MAP3K19: variants seen among roughly 807,000 people sequenced by gnomAD.
MAP3K19 encodes the protein mitogen-activated protein kinase kinase kinase 19.
In MAP3K19, 91 loss-of-function variants were observed where a neutral mutation model predicts 114.4. The ratio of observed to expected loss-of-function variants is 0.80; its 90% confidence interval spans 0.67 to 0.95. The LOEUF (loss-of-function observed/expected upper bound fraction) is 0.95. Among genes scored for constraint, MAP3K19 ranks in the 40% least tolerant of loss-of-function variants. MAP3K19 has a pLI of 0.00. For synonymous variants in MAP3K19, 518 were observed against 530.5 expected, an observed-to-expected ratio of 0.98 and a Z score of 0.32; for missense variants, 1,471 against 1,573.2, an observed-to-expected ratio of 0.94 and a Z score of 1.10.
intron 4 of MAP3K19, 22 bp downstream of exon 4, chr2:135,024,604 C>G: frequency 6.2e-7 from 1 of 1,610,012 alleles, no homozygotes; most frequent in East Asian, 2.2e-5. Flanking sequence ...GGAAATTATG[C>G]ATGTGGAGTG....
chr2:135,034,484 C>G (rs1488779726), intron 2 of MAP3K19, among the ~76,000 whole-genome samples: 1 of 127,842 alleles, frequency 7.8e-6, no homozygotes, highest in African/African-American at 3.6e-5. Flanking sequence ...TGTAGCGAGC[C>G]GAGATCACGC....
chr2:134,981,511 C>A lies in MAP3K19; in HGVS notation c.3230G>T (p.Cys1077Phe). The A allele has an allele frequency of 6.2e-7, 1 of 1,606,824 alleles. No homozygotes were observed. The highest frequency in any genetic ancestry group is 8.5e-7 in the Non-Finnish European group (1 of 1,175,392). The change falls in exon 12 of 13, where the codon TGT becomes TTT. Residue 1077 changes from cysteine (C) to phenylalanine (F), a missense_variant. Coordinates refer to ENST00000392915, the MANE Select transcript of MAP3K19 (RefSeq NM_025052.5). ...TAGCTGTCCTTGACTAGTGAGACCACAGTATACCTAGAAGCAAATCAATAA... is the reference window on the plus strand; with the variant it reads ...TAGCTGTCCTTGACTAGTGAGACCAAAGTATACCTAGAAGCAAATCAATAA... ...LGKGAYGTVY[C>F]GLTSQGQLIA...
At chr2:134,988,783 G>T (rs1685356710) in intron 9 of MAP3K19, among the ~76,000 whole-genome samples, 2 of 152,094 alleles carry the variant, frequency 1.3e-5, no homozygotes, top group Non-Finnish European at 2.9e-5. Context: ...TATTATAGAT[G>T]TAAATATTCA....
At chr2:134,984,549 T>C (rs1343286393) in intron 10 of MAP3K19, among the ~76,000 whole-genome samples, 2 of 152,136 alleles carry the variant, frequency 1.3e-5, no homozygotes, top group African/African-American at 2.4e-5. Flanking sequence ...CAGTTTACCA[T>C]CCACAAGCCA....
intron 2 of MAP3K19, among the ~76,000 whole-genome samples, chr2:135,034,818 G>C (rs1458243229): frequency 6.1e-5 from 7 of 113,842 alleles, no homozygotes; most frequent in African/African-American, 2.0e-4. Flanking sequence ...ACCGTGGGCT[G>C]TGGGGAGAGG....
chr2:135,035,730 C>A (rs1688511181), intron 2 of MAP3K19, among the ~76,000 whole-genome samples: 1 of 152,166 alleles, frequency 6.6e-6, no homozygotes, highest in African/African-American at 2.4e-5. Flanking sequence ...GCCTTTATGG[C>A]TTTGCATGAT....
intron 11 of MAP3K19, chr2:134,983,252 C>T (rs1271339094): frequency 1.9e-6 from 1 of 535,020 alleles, no homozygotes; most frequent in Non-Finnish European, 3.8e-6. Flanking sequence ...TTGTTTTTGC[C>T]ATCTAGTAAT....
At chr2:135,036,637 A>ATG (rs57859657) in intron 2 of MAP3K19, among the ~76,000 whole-genome samples, 4,290 of 140,162 alleles carry the variant, frequency 0.031, 152 homozygotes, top group African/African-American at 0.08. Flanking sequence ...GTTCAACATT[A>ATG]TGTGTGTGTG....
In MAP3K19 at chr2:134,986,550, AT is replaced by A; in HGVS notation, c.2321del (p.Asn774MetfsTer13). 1 of 1,614,116 alleles carries A rather than the reference AT, an allele frequency of 6.2e-7. No homozygotes were observed. Among genetic ancestry groups the A allele is most frequent in the Non-Finnish European group, 8.5e-7 (1 of 1,180,014 alleles). On this transcript the variant is annotated frameshift_variant, in exon 10 of 13. Coordinates refer to ENST00000392915, the MANE Select transcript of MAP3K19 (RefSeq NM_025052.5). LOFTEE classifies it high-confidence loss of function. ...EPDWQIKSSG[N>X]EFLSSKDEIH... ...TTTCATCTTTGGAAGATAGAAACTC[AT>A]TTCCTGAAGACTTTATCTGCCAGTC...
chr2:135,039,095 A>C (rs1479617837), intron 2 of MAP3K19, among the ~76,000 whole-genome samples: 3 of 149,720 alleles, frequency 2.0e-5, no homozygotes, highest in South Asian at 4.3e-4. Context: ...TGTTGGGTAC[A>C]CAGGTGCTTG....
At chr2:134,997,157 C>T (rs190448347) in intron 8 of MAP3K19, among the ~76,000 whole-genome samples, 1 of 152,306 alleles carries the variant, frequency 6.6e-6, no homozygotes, top group East Asian at 1.9e-4. Context: ...CACTTCAAGT[C>T]CAGATTTCTT....
intron 12 of MAP3K19, among the ~76,000 whole-genome samples, chr2:134,980,338 G>T (rs4954209): frequency 0.28 from 42,985 of 152,100 alleles, 6,758 homozygotes; most frequent in Middle Eastern, 0.62. Flanking sequence ...TCCATAGATA[G>T]GAGAGAAGAT....
intron 12 of MAP3K19, among the ~76,000 whole-genome samples, chr2:134,973,305 G>C (rs1684001025): frequency 6.6e-6 from 1 of 152,142 alleles, no homozygotes; most frequent in Non-Finnish European, 1.5e-5. Flanking sequence ...ATACCTGGGT[G>C]CTCTGGTGCA....
rs1322890279 is a variant in MAP3K19 at position 135,033,456 on chromosome 2, C to T, written c.-283-2956G>A. 5.1e-3 allele frequency among the ~76,000 whole-genome samples: 592 copies of T among 116,376 alleles called. 106 individuals are homozygous for T. The highest frequency in any genetic ancestry group is 0.024 in the African/African-American group (557 of 23,106). The allele number at this position is 116,376 out of a possible 152,430, so 76.3% of individuals were successfully genotyped here. A position where few individuals can be genotyped will look rare whatever the true frequency, so the allele number is the denominator to read the frequency against. Reference sequence around the variant, plus strand: ...CCCAGTAGGGGCGGTCGGGCAGAGGCGCCCCCCACCCCCCGGACGGGGCGG... The same window carrying T: ...CCCAGTAGGGGCGGTCGGGCAGAGGTGCCCCCCACCCCCCGGACGGGGCGG... On this transcript the variant is annotated intron_variant, in intron 2 of 12. Transcript: ENST00000392915.
chr2:134,986,963 G>T lies in MAP3K19; in HGVS notation c.1909C>A (p.Pro637Thr). ...CVPLSVQPTE[P>T]RLNYLDLKYS... ...TTAAGATCTAGGTAATTTAGTCTTG[G>T]CTCTGTCGGTTGAACAGAGAGAGGA... Residue 637 changes from proline (P) to threonine (T), a missense_variant, in exon 10 of 13, where the codon CCA becomes ACA. Coordinates refer to ENST00000392915, the MANE Select transcript of MAP3K19 (RefSeq NM_025052.5). 1.2e-6 allele frequency: 2 copies of T among 1,613,672 alleles called. No individual in the cohort carries two copies. Among genetic ancestry groups the T allele is most frequent in the Non-Finnish European group, 1.7e-6 (2 of 1,179,878 alleles).
At chr2:135,013,781 A>G (rs998995779) in intron 5 of MAP3K19, among the ~76,000 whole-genome samples, 2 of 150,988 alleles carry the variant, frequency 1.3e-5, no homozygotes, top group African/African-American at 2.4e-5. Flanking sequence ...TCCCCCAATC[A>G]TCTGAGCTCT....
intron 5 of MAP3K19, among the ~76,000 whole-genome samples, chr2:135,007,232 A>G (rs1233856705): frequency 2.6e-5 from 4 of 152,148 alleles, no homozygotes; most frequent in African/African-American, 9.7e-5. Flanking sequence ...GTATTCAATC[A>G]TAATAACTTA....
At chr2:134,998,710 T>A in intron 8 of MAP3K19, 28 bp downstream of exon 8, 1 of 1,575,358 alleles carries the variant, frequency 6.3e-7, no homozygotes, top group Non-Finnish European at 8.6e-7. Flanking sequence ...CCAAAAGGAC[T>A]CACTGTGGAA....
chr2:134,993,493 G>A (rs1266426431), intron 8 of MAP3K19, among the ~76,000 whole-genome samples: 2 of 152,192 alleles, frequency 1.3e-5, no homozygotes, highest in African/African-American at 4.8e-5. Context: ...GCAATTTATA[G>A]TTGTGGGCAG....
Sources: allele counts gnomAD v4.1 joint callset (sites outside exome capture counted in the v4.1 genomes callset), GRCh38; gene constraint gnomAD v4.1.1; transcripts MANE v1.5; gene names NCBI Gene and HGNC (gene_info 2026-07-23, HGNC 2026-07-21).